Variants in RNLS observed in about 807,000 individuals in gnomAD.
The protein encoded by RNLS is renalase, FAD dependent amine oxidase.
In RNLS, 39 loss-of-function variants were observed where a neutral mutation model predicts 39.8. That is an observed-to-expected ratio of 0.98 (90% confidence interval 0.76 to 1.28). The LOEUF (loss-of-function observed/expected upper bound fraction) is 1.28, where lower values mean the gene tolerates loss of function less well. Ranked by LOEUF, RNLS falls within the 50% of genes most tolerant of loss-of-function variation. The probability of loss-of-function intolerance (pLI) is 0.00; values close to 1 mark genes in which losing one functional copy is unlikely to be tolerated. For synonymous variants in RNLS, 147 were observed against 150.7 expected (o/e 0.98, Z 0.18); for missense variants, 410 against 413.3 (o/e 0.99, Z 0.07).
At chr10:88,257,188 A>G in the RNLS span, among the ~76,000 whole-genome samples, 1 of 152,204 alleles carries the variant, frequency 6.6e-6, no homozygotes, top group Admixed American at 6.5e-5. Flanking sequence ...TGACATAGTT[A>G]TGAGCTCATC....
chr10:88,269,464 A>G (rs912353286), downstream of RNLS, among the ~76,000 whole-genome samples: 1 of 152,178 alleles, frequency 6.6e-6, no homozygotes, highest in Non-Finnish European at 1.5e-5. Flanking sequence ...AGTGACAGCT[A>G]TATTAGGCAG....
At chr10:88,377,703 T>G (rs565059918) in intron 4 of RNLS, among the ~76,000 whole-genome samples, 1 of 152,252 alleles carries the variant, frequency 6.6e-6, no homozygotes, top group Admixed American at 6.5e-5. Flanking sequence ...TGTGGGTGAG[T>G]CAGTGAGTCA....
chr10:88,248,412 T>G, the RNLS span, among the ~76,000 whole-genome samples: 2 of 152,154 alleles, frequency 1.3e-5, no homozygotes, highest in Non-Finnish European at 2.9e-5. Flanking sequence ...GTTCACAGAA[T>G]TAACTGGAAG....
At chr10:88,236,372 A>T in the RNLS span, among the ~76,000 whole-genome samples, 1 of 152,238 alleles carries the variant, frequency 6.6e-6, no homozygotes, top group African/African-American at 2.4e-5. Flanking sequence ...TGATTTAGAA[A>T]AAAGGTCACA....
intron 4 of RNLS, among the ~76,000 whole-genome samples, chr10:88,527,494 T>A (rs1287285241): frequency 6.6e-6 from 1 of 152,158 alleles, no homozygotes; most frequent in Non-Finnish European, 1.5e-5. Flanking sequence ...TTTTTCTAAT[T>A]AGCATAAAGG....
At chr10:88,324,410 C>T (rs533885844) in intron 5 of RNLS, among the ~76,000 whole-genome samples, 22 of 133,190 alleles carry the variant, frequency 1.7e-4, no homozygotes, top group East Asian at 2.4e-4. Flanking sequence ...CCATAAAAAA[C>T]GAAATTGTGT....
At chr10:88,459,333 G>C (rs1842813610) in intron 4 of RNLS, among the ~76,000 whole-genome samples, 1 of 152,038 alleles carries the variant, frequency 6.6e-6, no homozygotes, top group South Asian at 2.1e-4. Context: ...ACAGTGATTA[G>C]GTCCATTAGT....
chr10:88,524,947 TGGCACACACATAC>T (rs1364096762), intron 4 of RNLS, among the ~76,000 whole-genome samples: 15 of 79,450 alleles, frequency 1.9e-4, no homozygotes, highest in East Asian at 1.0e-3. Flanking sequence ...TATATATATA[TGGCACACACATAC>T]ATATATATAT....
the RNLS span, among the ~76,000 whole-genome samples, chr10:88,207,738 AC>A: frequency 6.6e-6 from 1 of 151,982 alleles, no homozygotes; most frequent in Non-Finnish European, 1.5e-5. Context: ...TGTTAGCAGG[AC>A]TCTTAGTCCC....
chr10:88,403,171 G>T (rs1853044065), intron 4 of RNLS, among the ~76,000 whole-genome samples: 1 of 151,606 alleles, frequency 6.6e-6, no homozygotes, highest in African/African-American at 2.4e-5. Context: ...GGGGAAAAAT[G>T]AGAAAAAAAA....
At chr10:88,282,141 C>G (rs181660453), downstream of RNLS, among the ~76,000 whole-genome samples, 1 of 152,132 alleles carries the variant, frequency 6.6e-6, no homozygotes, top group Non-Finnish European at 1.5e-5. Context: ...TTAGCCAGTA[C>G]TTACAGAGAC....
chr10:88,542,731 A>G (rs1054605276), intron 4 of RNLS, among the ~76,000 whole-genome samples: 3 of 152,178 alleles, frequency 2.0e-5, no homozygotes, highest in African/African-American at 7.2e-5. Context: ...AAGCACCGAT[A>G]ATAGATGCTA....
At chr10:88,582,949 G>T (rs911901821) in intron 1 of RNLS, 124 bp downstream of exon 1, 8 of 1,135,994 alleles carry the variant, frequency 7.0e-6, no homozygotes, top group East Asian at 2.9e-5. Context: ...CGCGCTACAC[G>T]GCCGCTCAGG....
chr10:88,459,483 C>T (rs1263127780), intron 4 of RNLS, among the ~76,000 whole-genome samples: 2 of 152,088 alleles, frequency 1.3e-5, no homozygotes, highest in East Asian at 1.9e-4. Context: ...TTGTCTGTTT[C>T]GTATTGTACC....
chr10:88,454,984 T>C (rs1413445212), intron 4 of RNLS, among the ~76,000 whole-genome samples: 2 of 152,212 alleles, frequency 1.3e-5, no homozygotes, highest in Non-Finnish European at 2.9e-5. Flanking sequence ...ATAACAGATA[T>C]ACTAGGAACT....
At chr10:88,352,514 A>G (rs573905734) in intron 5 of RNLS, among the ~76,000 whole-genome samples, 3 of 152,232 alleles carry the variant, frequency 2.0e-5, no homozygotes, top group African/African-American at 7.2e-5. Flanking sequence ...ATTGATTTGC[A>G]TATGTTGAAC....
chr10:88,235,044 A>G, the RNLS span, among the ~76,000 whole-genome samples: 458 of 152,006 alleles, frequency 3.0e-3, 2 homozygotes, highest in Non-Finnish European at 5.0e-3. Context: ...GGTGGATCAC[A>G]AGGTCAGGAG....
At chr10:88,408,867 G>A (rs1447069053) in intron 4 of RNLS, among the ~76,000 whole-genome samples, 2 of 151,934 alleles carry the variant, frequency 1.3e-5, no homozygotes, top group South Asian at 2.1e-4. Flanking sequence ...GGTAAAATAC[G>A]ATTATTAGCA....
chr10:88,200,178 G>C, the RNLS span, among the ~76,000 whole-genome samples: 1 of 152,170 alleles, frequency 6.6e-6, no homozygotes, highest in South Asian at 2.1e-4. Context: ...ACAGAGGTGA[G>C]GGACTCCTGA....
Sources: gnomAD v4.1 joint callset for allele counts (sites outside exome capture counted in the v4.1 genomes callset) on GRCh38, gnomAD v4.1.1 for gene constraint, MANE v1.5 for transcripts, NCBI Gene and HGNC (gene_info 2026-07-23, HGNC 2026-07-21) for gene names.